The following NDST3 variants were observed in gnomAD, a reference collection of about 807,000 sequenced individuals.
The protein encoded by NDST3 is N-deacetylase and N-sulfotransferase 3.
Under a neutral mutation model 96.1 loss-of-function variants are expected in NDST3, and 58 were observed. That is an observed-to-expected ratio of 0.60 (90% CI 0.49 to 0.75). NDST3 has a LOEUF of 0.75. Ranked by LOEUF, NDST3 falls within the 30% of genes least tolerant of loss-of-function variation. The pLI, the probability that NDST3 is intolerant of heterozygous loss-of-function variation, is 0.00. For synonymous variants in NDST3, 333 were observed against 359.7 expected, an observed-to-expected ratio of 0.93 and a Z score of 0.84; for missense variants, 788 against 1,034.2, an observed-to-expected ratio of 0.76 and a Z score of 3.27.
chr4:118,231,024 T>C (rs993765257), intron 8 of NDST3, among the ~76,000 whole-genome samples: 2 of 152,120 alleles, frequency 1.3e-5, no homozygotes, highest in African/African-American at 2.4e-5. Flanking sequence ...ACTAAAATAC[T>C]ACCTTACTTC....
At position 118,247,551 on chromosome 4, in the gene NDST3, TAAAA is replaced by T. The variant is rs567798197; in HGVS notation, c.2399+5408_2399+5411del. On this transcript the variant is annotated intron_variant, in intron 12 of 13. Coordinates refer to ENST00000296499, the MANE Select transcript of NDST3 (RefSeq NM_004784.3). ...TGGGCGACAAGAGTGAAACTCTGTC[TAAAA>T]AAAAAGAAAGAAAGAAAGAAAGAAA... Among the ~76,000 whole-genome samples, 31 of 149,232 alleles carry T rather than the reference TAAAA, an allele frequency of 2.1e-4. No homozygotes were observed. In the East Asian group the frequency reaches 6.1e-3, roughly 29 times the overall value.
intron 1 of NDST3, among the ~76,000 whole-genome samples, chr4:118,039,148 C>G (rs574510241): frequency 1.1e-3 from 165 of 152,264 alleles, no homozygotes; most frequent in Non-Finnish European, 1.8e-3. Flanking sequence ...CAAAGCAACT[C>G]TATTCATGCT....
At chr4:118,106,324 A>G (rs1730178091) in intron 3 of NDST3, among the ~76,000 whole-genome samples, 2 of 152,120 alleles carry the variant, frequency 1.3e-5, no homozygotes, top group African/African-American at 4.8e-5. Flanking sequence ...TATTTAAGAA[A>G]TCTTTGCATA....
At chr4:118,158,851 C>T (rs1430737613) in intron 6 of NDST3, among the ~76,000 whole-genome samples, 1 of 152,166 alleles carries the variant, frequency 6.6e-6, no homozygotes, top group Non-Finnish European at 1.5e-5. Flanking sequence ...CCCATATCCT[C>T]CTTCCTTCCA....
intron 12 of NDST3, among the ~76,000 whole-genome samples, chr4:118,248,026 G>A (rs1470310969): frequency 4.6e-5 from 7 of 152,124 alleles, no homozygotes; most frequent in South Asian, 2.1e-4. Flanking sequence ...TAACCCGCAC[G>A]AGGGTAGAAA....
intron 6 of NDST3, among the ~76,000 whole-genome samples, chr4:118,144,787 A>T (rs961982803): frequency 2.0e-5 from 3 of 152,166 alleles, no homozygotes; most frequent in Admixed American, 2.0e-4. Context: ...GATAGGGATA[A>T]ATTGAATAAA....
At chr4:118,147,000 T>A (rs1440076514) in intron 6 of NDST3, among the ~76,000 whole-genome samples, 2 of 152,222 alleles carry the variant, frequency 1.3e-5, no homozygotes, top group Admixed American at 1.3e-4. Context: ...GGGACAATAA[T>A]TTGCAATATA....
intron 2 of NDST3, among the ~76,000 whole-genome samples, chr4:118,082,989 A>G (rs1041739533): frequency 1.3e-4 from 20 of 152,118 alleles, no homozygotes; most frequent in African/African-American, 4.6e-4. Flanking sequence ...CTCACCCACA[A>G]TCACCAGAAC....
chr4:118,036,529 A>C (rs1436943113), intron 1 of NDST3, among the ~76,000 whole-genome samples: 1 of 152,182 alleles, frequency 6.6e-6, no homozygotes, highest in African/African-American at 2.4e-5. Flanking sequence ...AACTCTGAAC[A>C]CCTGTCCAGA....
chr4:118,070,647 CT>C (rs34525909), intron 2 of NDST3, among the ~76,000 whole-genome samples: 12,468 of 128,516 alleles, frequency 0.097, 646 homozygotes, highest in Non-Finnish European at 0.16. Flanking sequence ...CTCAACCATT[CT>C]TTTTTTTTTT....
At chr4:118,187,419 A>T (rs1055285766) in intron 6 of NDST3, among the ~76,000 whole-genome samples, 6 of 152,212 alleles carry the variant, frequency 3.9e-5, no homozygotes, top group African/African-American at 1.4e-4. Context: ...AAGAGAGAAG[A>T]TCTCCTGTAA....
At chr4:118,068,512 A>C (rs1321335553) in intron 2 of NDST3, among the ~76,000 whole-genome samples, 1 of 152,078 alleles carries the variant, frequency 6.6e-6, no homozygotes, top group Non-Finnish European at 1.5e-5. Context: ...GACAATTTTC[A>C]TGAGTTTCCA....
At chr4:118,061,671 T>C (rs1282040590) in intron 2 of NDST3, among the ~76,000 whole-genome samples, 2 of 152,204 alleles carry the variant, frequency 1.3e-5, no homozygotes, top group Admixed American at 6.6e-5. Flanking sequence ...AGGGCAAGAT[T>C]TTTTTCATCT....
chr4:118,063,568 T>G (rs902553146), intron 2 of NDST3, among the ~76,000 whole-genome samples: 1 of 152,180 alleles, frequency 6.6e-6, no homozygotes, highest in Non-Finnish European at 1.5e-5. Flanking sequence ...TAAATCAGCA[T>G]GTAAAAAATC....
chr4:118,036,481 G>A (rs1450871343), intron 1 of NDST3, among the ~76,000 whole-genome samples: 1 of 152,160 alleles, frequency 6.6e-6, no homozygotes, highest in Non-Finnish European at 1.5e-5. Context: ...TCCCTGTGCT[G>A]TGTCTATTAT....
chr4:118,233,198 C>A, intron 9 of NDST3, 63 bp downstream of exon 9: 1 of 1,289,976 alleles, frequency 7.8e-7, no homozygotes, highest in Non-Finnish European at 1.0e-6. Context: ...AAACTTAGCA[C>A]TAATATTTAG....
At chr4:118,082,999 C>T (rs1728141673) in intron 2 of NDST3, among the ~76,000 whole-genome samples, 1 of 152,132 alleles carries the variant, frequency 6.6e-6, no homozygotes, top group Admixed American at 6.6e-5. Flanking sequence ...ATCACCAGAA[C>T]AGCAAGCAGG....
At chr4:118,155,216 C>A (rs1283179823) in intron 6 of NDST3, among the ~76,000 whole-genome samples, 1 of 152,162 alleles carries the variant, frequency 6.6e-6, no homozygotes, top group Non-Finnish European at 1.5e-5. Context: ...TTAGATACAG[C>A]AGGTCCTTAA....
At chr4:118,129,269 G>A (rs6823125) in intron 4 of NDST3, among the ~76,000 whole-genome samples, 117,139 of 151,850 alleles carry the variant, frequency 0.77, 48,567 homozygotes, top group South Asian at 0.92. Flanking sequence ...TCTTTAAGAT[G>A]CATTGTTAGA....
Sources: gnomAD v4.1 joint callset for allele counts (sites outside exome capture counted in the v4.1 genomes callset) on GRCh38, gnomAD v4.1.1 for gene constraint, MANE v1.5 for transcripts, NCBI Gene and HGNC (gene_info 2026-07-23, HGNC 2026-07-21) for gene names.